Variants in MYO5A observed in about 807,000 individuals in gnomAD.
MYO5A encodes the protein myosin VA, also known as unconventional myosin-Va.
In MYO5A, 98 loss-of-function variants were observed where a neutral mutation model predicts 249.7. That is an observed-to-expected ratio of 0.39 (90% confidence interval 0.33 to 0.46). The LOEUF (loss-of-function observed/expected upper bound fraction) is 0.46, where lower values mean the gene tolerates loss of function less well. Ranked by LOEUF, MYO5A falls within the 20% of genes least tolerant of loss-of-function variation. MYO5A has a pLI of 0.98. For missense variants in MYO5A, 1,696 were observed against 2,308.8 expected (o/e 0.73, Z 5.44); for synonymous variants, 778 against 810.6 (o/e 0.96, Z 0.68).
intron 5 of MYO5A, among the ~76,000 whole-genome samples, chr15:52,412,997 A>G (rs1399809136): frequency 6.6e-6 from 1 of 152,070 alleles, no homozygotes; most frequent in Non-Finnish European, 1.5e-5. Context: ...AAAATACGAC[A>G]GTAGCTGAGC....
At chr15:52,408,560 A>G (rs1257679770) in intron 6 of MYO5A, among the ~76,000 whole-genome samples, 2 of 152,182 alleles carry the variant, frequency 1.3e-5, no homozygotes, top group Non-Finnish European at 2.9e-5. Context: ...TGTAGACTGG[A>G]CCATCTACTG....
intron 1 of MYO5A, among the ~76,000 whole-genome samples, chr15:52,506,293 G>C (rs1437419259): frequency 6.6e-6 from 1 of 152,142 alleles, no homozygotes; most frequent in East Asian, 1.9e-4. Flanking sequence ...TGAGCTTGCA[G>C]TAAGCCAAGA....
In MYO5A at chr15:52,351,334, C is replaced by T. The variant is rs919207858; in HGVS notation, c.3769G>A (p.Glu1257Lys). ...TCCTCCTTGCGGACATCAAGCTCCT[C>T]GCTCACAGAGGTCAGCTGCTCCATG... ...VLMEQLTSVSEELDVRKEEVL... is the reference protein window; with the variant it reads ...VLMEQLTSVSKELDVRKEEVL... The change falls in exon 28 of 42, where the codon GAG becomes AAG. Residue 1257 changes from glutamate (E) to lysine (K), a missense_variant. Glu to Lys is a moderately conservative substitution (Grantham distance 56). Around this residue, in one of 5 missense-constraint regions of MYO5A, gnomAD observed 625 missense variants for 908.1 expected, o/e 0.69. Transcript: ENST00000399233. The T allele has an allele frequency of 1.2e-5, 19 of 1,614,080 alleles. No homozygotes were observed. The highest frequency in any genetic ancestry group is 1.5e-5 in the Non-Finnish European group (18 of 1,180,040).
At chr15:52,484,518 A>G (rs2076778090) in intron 1 of MYO5A, among the ~76,000 whole-genome samples, 1 of 152,240 alleles carries the variant, frequency 6.6e-6, no homozygotes, top group Non-Finnish European at 1.5e-5. Flanking sequence ...TTTTGCAGAT[A>G]CAAGTATTTC....
chr15:52,379,944 A>C, intron 16 of MYO5A, 36 bp from the exon 17 acceptor site: 2 of 1,609,706 alleles, frequency 1.2e-6, no homozygotes, highest in Non-Finnish European at 1.7e-6. Flanking sequence ...GTCCACAAAG[A>C]ACCTGGCTGG....
chr15:52,378,566 TAA>T (rs1311854362), intron 18 of MYO5A, among the ~76,000 whole-genome samples: 32 of 68,360 alleles, frequency 4.7e-4, no homozygotes, highest in Non-Finnish European at 7.8e-4. Flanking sequence ...AAGCCCCAGT[TAA>T]AAAAAAAAAA....
chr15:52,461,148 T>C (rs559077183), intron 1 of MYO5A, among the ~76,000 whole-genome samples: 96 of 152,196 alleles, frequency 6.3e-4, no homozygotes, highest in African/African-American at 2.1e-3. Flanking sequence ...AGACTAGGTG[T>C]CAACATGTTG....
Position 52,424,530 on chromosome 15 carries a change from T to G in MYO5A, c.455+1300A>C, listed in dbSNP as rs1470916493. 3.3e-5 allele frequency among the ~76,000 whole-genome samples: 5 copies of G among 152,292 alleles called. 1 individual carries two copies. The East Asian group carries it at 9.7e-4, about 29-fold the overall frequency. ...ATAATGTTAGCTGCTATTAGAAGTA[T>G]CCATATTAATATTATTTTATTATTA... On this transcript the variant is annotated intron_variant, in intron 4 of 41. Coordinates refer to ENST00000399233, the MANE Select transcript of MYO5A (RefSeq NM_001382347.1).
At chr15:52,467,318 C>A (rs931063960) in intron 1 of MYO5A, among the ~76,000 whole-genome samples, 1 of 152,036 alleles carries the variant, frequency 6.6e-6, no homozygotes, top group Non-Finnish European at 1.5e-5. Context: ...GAGGAATTTA[C>A]AGGAGACAGA....
At chr15:52,447,256 G>A (rs574465536) in intron 1 of MYO5A, among the ~76,000 whole-genome samples, 6 of 152,116 alleles carry the variant, frequency 3.9e-5, no homozygotes, top group African/African-American at 9.6e-5. Flanking sequence ...TCGCAAGATC[G>A]TTATCACTCA....
chr15:52,517,861 T>A (rs1057282252), intron 1 of MYO5A, among the ~76,000 whole-genome samples: 4 of 152,162 alleles, frequency 2.6e-5, no homozygotes, highest in Admixed American at 6.5e-5. Flanking sequence ...TAGTTGACAA[T>A]GATTATTTCT....
At chr15:52,329,677 A>G (rs1469810571) in intron 35 of MYO5A, among the ~76,000 whole-genome samples, 2 of 152,212 alleles carry the variant, frequency 1.3e-5, no homozygotes, top group Non-Finnish European at 2.9e-5. Flanking sequence ...ACTGAAATTC[A>G]GGAACCTAAA....
chr15:52,518,481 T>C (rs2077542315), intron 1 of MYO5A, among the ~76,000 whole-genome samples: 1 of 152,196 alleles, frequency 6.6e-6, no homozygotes, highest in African/African-American at 2.4e-5. Flanking sequence ...CAAAATTCCT[T>C]ATTATTAAGA....
rs744501 is a variant in MYO5A at position 52,340,451 on chromosome 15, C to A, written c.4041-57G>T. ...GACGACACCCCGAGTTGCTGCCTAA[C>A]GGGTGTAAGGCATCGTGTTCACTTG... On this transcript the variant is annotated intron_variant, in intron 31 of 41. Transcript: ENST00000399233. 34,663 of 1,490,314 alleles carry A rather than the reference C, an allele frequency of 0.023. 3,811 individuals are homozygous for A. The African/African-American group carries it at 0.31, about 13-fold the overall frequency. The allele number at this position is 1,490,314 out of a possible 1,614,324, so 92.3% of individuals were successfully genotyped here.
At chr15:52,437,926 A>G (rs951763401) in intron 1 of MYO5A, 17 of 586,648 alleles carry the variant, frequency 2.9e-5, no homozygotes, top group African/African-American at 4.1e-5. Flanking sequence ...CAAGATATTT[A>G]AACACTGAAC....
intron 9 of MYO5A, among the ~76,000 whole-genome samples, chr15:52,401,269 C>G (rs1051501542): frequency 6.6e-6 from 1 of 152,080 alleles, no homozygotes; most frequent in Admixed American, 6.6e-5. Flanking sequence ...AGGGTTTTGC[C>G]ATGTTGGCCA....
At chr15:52,387,604 C>A in intron 14 of MYO5A, 1 of 496,356 alleles carries the variant, frequency 2.0e-6, no homozygotes. Flanking sequence ...CTCTGTGTCT[C>A]AGGTGCCTCA....
chr15:52,515,145 T>C (rs2077470660), intron 1 of MYO5A, among the ~76,000 whole-genome samples: 1 of 151,928 alleles, frequency 6.6e-6, no homozygotes, highest in Non-Finnish European at 1.5e-5. Context: ...TGTGGTGGCA[T>C]GCAGCTACTA....
At chr15:52,405,799 A>G (rs2042979099) in intron 8 of MYO5A, among the ~76,000 whole-genome samples, 1 of 152,386 alleles carries the variant, frequency 6.6e-6, no homozygotes, top group East Asian at 1.9e-4. Flanking sequence ...AGTAAGTGCT[A>G]AACAAATTGT....
Sources: allele counts gnomAD v4.1 joint callset (sites outside exome capture counted in the v4.1 genomes callset), GRCh38; gene constraint gnomAD v4.1.1; regional missense constraint gnomAD v4.1.1; transcripts MANE v1.5; gene names NCBI Gene and HGNC (gene_info 2026-07-23, HGNC 2026-07-21).